Variants in CELF2 observed in about 807,000 individuals in gnomAD.
CELF2 encodes the protein CUGBP Elav-like family member 2, also known as CUG triplet repeat RNA-binding protein 2.
CELF2 carries 8 observed loss-of-function variants against 62.6 expected under a neutral mutation model. The ratio of observed to expected loss-of-function variants is 0.13; its 90% CI spans 0.07 to 0.23. CELF2 has a LOEUF of 0.23. Among genes scored for constraint, CELF2 ranks in the 10% least tolerant of loss-of-function variants. CELF2 has a pLI of 1.00. For missense variants in CELF2, 333 were observed against 671.0 expected (o/e 0.50, Z 5.56); for synonymous variants, 258 against 250.0 (o/e 1.03, Z -0.30).
At chr10:11,148,110 A>T (rs879121400) in intron 1 of CELF2, among the ~76,000 whole-genome samples, 1 of 152,284 alleles carries the variant, frequency 6.6e-6, no homozygotes, top group Non-Finnish European at 1.5e-5. Context: ...ACGTGGCTTG[A>T]TAAGGAAGGG....
the CELF2 span, among the ~76,000 whole-genome samples, chr10:10,717,942 C>T: frequency 6.6e-6 from 1 of 152,020 alleles, no homozygotes; most frequent in Non-Finnish European, 1.5e-5. Flanking sequence ...AAAATAATGG[C>T]AGAATTCTGT....
intron 5 of CELF2, among the ~76,000 whole-genome samples, chr10:11,263,321 A>AT (rs925912603): frequency 2.6e-4 from 39 of 151,440 alleles, no homozygotes; most frequent in Admixed American, 9.9e-4. Context: ...TTACAGTTGG[A>AT]TTTTTTTTTG....
rs1282300344 is a variant in CELF2 at position 11,244,973 on chromosome 10, A to G, written c.355-4180A>G. 1.3e-5 allele frequency among the ~76,000 whole-genome samples: 2 copies of G among 152,114 alleles called. No individual in the cohort carries two copies. The highest frequency in any genetic ancestry group is 2.4e-5 in the African/African-American group (1 of 41,418). On this transcript the variant is annotated intron_variant, in intron 3 of 12. Coordinates refer to ENST00000633077, the MANE Select transcript of CELF2 (RefSeq NM_001326342.2). This position sits in a 1 kb window ranked among gnomAD's most constrained non-coding sequence, Gnocchi z 4.2. ...CCACGTCTCTTATCACGCTGTGGGAAATGCTTGCTGTATCTGTCTCTCCTA... is the reference window on the plus strand; with the variant it reads ...CCACGTCTCTTATCACGCTGTGGGAGATGCTTGCTGTATCTGTCTCTCCTA...
At chr10:11,169,181 C>A (rs762056766) in intron 2 of CELF2, 1 of 152,198 alleles carries the variant, frequency 6.6e-6, no homozygotes, top group African/African-American at 2.4e-5. Context: ...TTATGGCAGT[C>A]ATGATGATCA....
chr10:10,489,253 T>C, the CELF2 span, among the ~76,000 whole-genome samples: 14 of 152,174 alleles, frequency 9.2e-5, no homozygotes, highest in South Asian at 8.3e-4. Flanking sequence ...TCTAAAGGAT[T>C]TTTCTTAGAG....
intron 2 of CELF2, among the ~76,000 whole-genome samples, chr10:10,987,799 A>G (rs1352229079): frequency 6.6e-6 from 1 of 152,234 alleles, no homozygotes. Context: ...AAGTAGGCAA[A>G]GAACATGAAT....
In CELF2 at chr10:11,159,625, T is replaced by C. The variant is rs2065251883; in HGVS notation, c.75-5861T>C. 6.6e-6 allele frequency among the ~76,000 whole-genome samples: 1 copy of C among 152,190 alleles called. No homozygotes were observed. The highest frequency in any genetic ancestry group is 6.5e-5 in the Admixed American group (1 of 15,288). ...ACTGCCAGTCTGTTGGGAAGAGATT[T>C]CTCTTCTTAAATAATGGCAACACCA... is the stretch of plus-strand genomic sequence containing the variant. On this transcript the variant is annotated intron_variant, in intron 1 of 12. Coordinates refer to ENST00000633077, the MANE Select transcript of CELF2 (RefSeq NM_001326342.2). This position sits in a 1 kb window ranked among gnomAD's most constrained non-coding sequence, Gnocchi z 5.0.
chr10:10,844,989 G>C lies in CELF2; in HGVS notation c.53+46172G>C, dbSNP rs532027950. Among the ~76,000 whole-genome samples, 6 of 152,272 alleles carry C rather than the reference G, an allele frequency of 3.9e-5. No individual in the cohort carries two copies. In the South Asian group the frequency reaches 1.2e-3, roughly 32 times the overall value. On this transcript the variant is annotated intron_variant, in intron 1 of 13. Coordinates refer to the CELF2 transcript ENST00000636488. ...ATTTTCATTCCATTTTTGTAGAAAA[G>C]TGTGAGAAACAGTAAGGTTTTAATT...
intron 1 of CELF2, among the ~76,000 whole-genome samples, chr10:11,045,476 G>T (rs750520869): frequency 1.2e-4 from 19 of 152,120 alleles, no homozygotes; most frequent in Non-Finnish European, 2.4e-4. Context: ...TGTAAAATGG[G>T]TGAATAACTG....
chr10:10,979,284 T>G (rs1346574245), intron 2 of CELF2, among the ~76,000 whole-genome samples: 2 of 152,152 alleles, frequency 1.3e-5, no homozygotes, highest in Admixed American at 6.6e-5. Context: ...AGTCACTGAT[T>G]GGCAAACCTC....
intron 9 of CELF2, among the ~76,000 whole-genome samples, chr10:11,303,683 CAG>C (rs2093969621): frequency 6.6e-6 from 1 of 152,172 alleles, no homozygotes; most frequent in Non-Finnish European, 1.5e-5. Context: ...CTGGAAGGAA[CAG>C]AGCCAAAAAA....
At chr10:10,717,438 C>A in the CELF2 span, among the ~76,000 whole-genome samples, 1 of 151,514 alleles carries the variant, frequency 6.6e-6, no homozygotes, top group Non-Finnish European at 1.5e-5. Context: ...CCTTGAATGT[C>A]TTTTTAAACT....
At chr10:10,795,309 A>G (rs1462938217), upstream of CELF2, among the ~76,000 whole-genome samples, 2 of 151,834 alleles carry the variant, frequency 1.3e-5, no homozygotes, top group Non-Finnish European at 2.9e-5. Flanking sequence ...ATGAATGCCA[A>G]AAAAAATTTT....
At chr10:11,017,719 G>A (rs1182376679), upstream of CELF2, among the ~76,000 whole-genome samples, 1 of 152,020 alleles carries the variant, frequency 6.6e-6, no homozygotes, top group East Asian at 1.9e-4. The surrounding 1 kb of genome is among the most constrained non-coding windows in gnomAD (Gnocchi z 5.5). Flanking sequence ...GCCTTCGGGG[G>A]CCCAGGGGAC....
intron 1 of CELF2, among the ~76,000 whole-genome samples, chr10:10,895,018 C>G (rs2062440091): frequency 6.6e-6 from 1 of 152,178 alleles, no homozygotes; most frequent in Non-Finnish European, 1.5e-5. Context: ...ATGCCTGGCA[C>G]TGTACTGAGT....
rs192418121 is a variant in CELF2, at chr10:11,214,734, A to G, written c.272-2691A>G. The stretch of plus-strand genomic sequence containing the variant: ...CACTGGAACTAGAGCTTCTCTTGGC[A>G]TGATGTTAAAGAATACCTGTTTAGA... On this transcript the variant is annotated intron_variant, in intron 2 of 12. Transcript: ENST00000633077. The surrounding 1 kb of genome is among the most constrained non-coding windows in gnomAD (Gnocchi z 4.2). Among the ~76,000 whole-genome samples the G allele has an allele frequency of 2.2e-3, 336 of 152,358 alleles. No individual in the cohort carries two copies. The highest frequency in any genetic ancestry group is 7.8e-3 in the African/African-American group (324 of 41,582).
chr10:11,099,202 C>CT (rs766384544), intron 1 of CELF2, among the ~76,000 whole-genome samples: 2 of 152,104 alleles, frequency 1.3e-5, no homozygotes, highest in Non-Finnish European at 2.9e-5. Flanking sequence ...ATACCTACAC[C>CT]TTTTTTTAAT....
intron 1 of CELF2, among the ~76,000 whole-genome samples, chr10:10,862,599 T>C (rs2060109470): frequency 6.6e-6 from 1 of 152,220 alleles, no homozygotes; most frequent in African/African-American, 2.4e-5. Flanking sequence ...TTTCATTGTA[T>C]TCTAATGGTT....
chr10:10,811,336 A>G (rs1393759898), intron 1 of CELF2, among the ~76,000 whole-genome samples: 1 of 152,202 alleles, frequency 6.6e-6, no homozygotes, highest in Non-Finnish European at 1.5e-5. Context: ...AGGCTTTTTA[A>G]AGGGAGAATG....
Sources: allele counts gnomAD v4.1 joint callset (sites outside exome capture counted in the v4.1 genomes callset), GRCh38; gene constraint gnomAD v4.1.1; non-coding constraint Gnocchi (gnomAD v3.1); transcripts MANE v1.5; gene names NCBI Gene and HGNC (gene_info 2026-07-23, HGNC 2026-07-21).